Variants in FAM110B observed in about 807,000 individuals in gnomAD.
FAM110B encodes family with sequence similarity 110 member B.
FAM110B carries 6 observed loss-of-function variants against 20.4 expected under a neutral mutation model. The observed-to-expected ratio is 0.29, with a 90% confidence interval of 0.16 to 0.58. The LOEUF (loss-of-function observed/expected upper bound fraction) is 0.58. Ranked by LOEUF, FAM110B falls within the 20% of genes least tolerant of loss-of-function variation. The pLI is 0.90. For missense variants in FAM110B, 434 were observed against 498.2 expected, an observed-to-expected ratio of 0.87 and a Z score of 1.23; for synonymous variants, 226 against 214.1, an observed-to-expected ratio of 1.06 and a Z score of -0.49.
At chr8:58,051,721 GTAT>G (rs1000862571) in intron 2 of FAM110B, among the ~76,000 whole-genome samples, 3 of 152,170 alleles carry the variant, frequency 2.0e-5, no homozygotes, top group Non-Finnish European at 4.4e-5. Flanking sequence ...GGAGATAGAT[GTAT>G]ATTAGTATTA....
rs1045545801 is a variant in FAM110B at position 58,033,962 on chromosome 8, C to T, written c.-414+2259C>T. ...CTGGTAGCCTTTGTTAACCTCCCCA[C>T]GCGCCCTTGGAATTGAGCCCTCCCA... On this transcript the variant is annotated intron_variant, in intron 2 of 3. Transcript: ENST00000519262. 4.6e-5 allele frequency among the ~76,000 whole-genome samples: 7 copies of T among 152,188 alleles called. No individual in the cohort carries two copies. The South Asian group carries it at 1.5e-3, about 32-fold the overall frequency.
chr8:58,010,255 G>A (rs1804502820), intron 1 of FAM110B, among the ~76,000 whole-genome samples: 1 of 151,002 alleles, frequency 6.6e-6, no homozygotes, highest in African/African-American at 2.4e-5. Flanking sequence ...CTCCTGACCT[G>A]AAGTGATCTA....
chr8:58,066,079 T>C (rs372783805), intron 2 of FAM110B, among the ~76,000 whole-genome samples: 8 of 152,226 alleles, frequency 5.3e-5, no homozygotes, highest in African/African-American at 1.9e-4. Context: ...ACCTCTTTAA[T>C]TCATGCCCCT....
At chr8:58,096,275 A>G (rs1056086804) in intron 3 of FAM110B, among the ~76,000 whole-genome samples, 13 of 152,086 alleles carry the variant, frequency 8.5e-5, no homozygotes, top group African/African-American at 3.1e-4. Context: ...TTCCGGTTTC[A>G]AGCAATTCTC....
At chr8:58,105,220 C>T (rs1806878584) in intron 3 of FAM110B, among the ~76,000 whole-genome samples, 1 of 152,114 alleles carries the variant, frequency 6.6e-6, no homozygotes, top group South Asian at 2.1e-4. Context: ...TGGATACACG[C>T]AGGTTTCATC....
chr8:58,103,453 G>A (rs1204428608), intron 3 of FAM110B, among the ~76,000 whole-genome samples: 1 of 151,908 alleles, frequency 6.6e-6, no homozygotes, highest in East Asian at 1.9e-4. Flanking sequence ...ATAGTTTACT[G>A]AGAATGATGA....
intron 1 of FAM110B, among the ~76,000 whole-genome samples, chr8:57,999,510 C>T (rs567806640): frequency 1.3e-5 from 2 of 151,084 alleles, no homozygotes; most frequent in South Asian, 2.1e-4. Context: ...CGATCATTCT[C>T]GCCAGTGATT....
At chr8:58,049,306 G>T (rs1805393438) in intron 2 of FAM110B, among the ~76,000 whole-genome samples, 1 of 152,116 alleles carries the variant, frequency 6.6e-6, no homozygotes, top group Non-Finnish European at 1.5e-5. Context: ...TTGTATTAGA[G>T]ATGTGAATGC....
intron 3 of FAM110B, among the ~76,000 whole-genome samples, chr8:58,113,860 T>G (rs1366482532): frequency 6.6e-6 from 1 of 152,254 alleles, no homozygotes; most frequent in Non-Finnish European, 1.5e-5. Flanking sequence ...ATTCATGTCT[T>G]AGCTGAAACT....
chr8:58,036,754 G>C (rs1805080214), intron 2 of FAM110B, among the ~76,000 whole-genome samples: 1 of 152,164 alleles, frequency 6.6e-6, no homozygotes, highest in Non-Finnish European at 1.5e-5. Context: ...CTGTAATTGA[G>C]TTTGCTTCCT....
intron 3 of FAM110B, among the ~76,000 whole-genome samples, chr8:58,081,050 C>A (rs1378810744): frequency 6.6e-6 from 1 of 152,210 alleles, no homozygotes; most frequent in Non-Finnish European, 1.5e-5. Flanking sequence ...CCTGCCTGTT[C>A]AGGTGTTGAG....
chr8:58,016,152 A>AT (rs1378584432), intron 1 of FAM110B, among the ~76,000 whole-genome samples: 1 of 152,202 alleles, frequency 6.6e-6, no homozygotes, highest in Non-Finnish European at 1.5e-5. Context: ...ACATGCTCTC[A>AT]TTGCCACTTT....
chr8:58,078,774 T>C (rs7011992), intron 3 of FAM110B, among the ~76,000 whole-genome samples: 7,484 of 151,906 alleles, frequency 0.049, 612 homozygotes, highest in African/African-American at 0.17. Flanking sequence ...ATGGTCTGGA[T>C]CTCCTGACCT....
At chr8:58,014,088 T>C (rs1195789660) in intron 1 of FAM110B, among the ~76,000 whole-genome samples, 1 of 152,116 alleles carries the variant, frequency 6.6e-6, no homozygotes, top group Non-Finnish European at 1.5e-5. Context: ...AAACTAGAAC[T>C]GTCAGACCTA....
At chr8:58,077,842 C>T (rs941144877) in intron 3 of FAM110B, among the ~76,000 whole-genome samples, 2 of 152,208 alleles carry the variant, frequency 1.3e-5, no homozygotes, top group Non-Finnish European at 2.9e-5. Context: ...GACTTACCAA[C>T]ACAGTGTCAG....
At chr8:58,005,698 G>T (rs1017592381) in intron 1 of FAM110B, among the ~76,000 whole-genome samples, 1 of 152,136 alleles carries the variant, frequency 6.6e-6, no homozygotes, top group Non-Finnish European at 1.5e-5. Flanking sequence ...TATTACAGCC[G>T]TTAGCATCTC....
intron 1 of FAM110B, among the ~76,000 whole-genome samples, chr8:58,014,223 G>A (rs151119663): frequency 1.1e-3 from 174 of 152,208 alleles, no homozygotes; most frequent in African/African-American, 3.9e-3. Context: ...TCTGCCTAGC[G>A]GGAATCAGTG....
intron 3 of FAM110B, chr8:58,106,225 TC>T (rs1279078301): frequency 1.3e-5 from 2 of 152,176 alleles, no homozygotes; most frequent in Non-Finnish European, 2.9e-5. Context: ...AGGTCTTCAT[TC>T]CCCAAATCAC....
At chr8:58,022,001 G>A (rs866669055) in intron 1 of FAM110B, among the ~76,000 whole-genome samples, 3 of 152,254 alleles carry the variant, frequency 2.0e-5, no homozygotes, top group Non-Finnish European at 4.4e-5. Context: ...GAGTTTCTGG[G>A]GTGCACAAGT....
Sources: allele counts gnomAD v4.1 joint callset (sites outside exome capture counted in the v4.1 genomes callset), GRCh38; gene constraint gnomAD v4.1.1; transcripts MANE v1.5; gene names NCBI Gene and HGNC (gene_info 2026-07-23, HGNC 2026-07-21).